The following COL18A1 variants were observed in gnomAD, a reference collection of about 807,000 sequenced individuals.
COL18A1 encodes collagen alpha-1(XVIII) chain.
Under a neutral mutation model 168.0 loss-of-function variants are expected in COL18A1, and 133 were observed. The observed-to-expected ratio is 0.79, with a 90% CI of 0.69 to 0.91. The LOEUF is 0.91. Among genes scored for constraint, COL18A1 ranks in the 40% least tolerant of loss-of-function variants. The pLI, the probability that COL18A1 is intolerant of heterozygous loss-of-function variation, is 0.00. For missense variants in COL18A1, 2,126 were observed against 1,925.4 expected (o/e 1.10, Z -1.95); for synonymous variants, 949 against 809.0 (o/e 1.17, Z -2.94).
At chr21:45,500,588 T>G (rs1340209205) in intron 32 of COL18A1, among the ~76,000 whole-genome samples, 2 of 9,820 alleles carry the variant, frequency 2.0e-4, no homozygotes, top group Admixed American at 1.2e-3. Context: ...TTTGGTGTGT[T>G]GGGTGTGTAG....
chr21:45,460,342 G>A (rs1009681428), intron 2 of COL18A1, among the ~76,000 whole-genome samples: 2 of 152,196 alleles, frequency 1.3e-5, no homozygotes, highest in South Asian at 2.1e-4. Context: ...CGGGGTGCTC[G>A]GGAGGCAGGT....
rs368224873 is a variant in COL18A1, at chr21:45,477,392, C to T, written c.929-19C>T. The stretch of plus-strand genomic sequence containing the variant: ...CACCCGGGGGGCGTGACCGTGGCCA[C>T]CTCTGCTTCTCTTCCCAGCTCAGAC... On this transcript the variant is annotated intron_variant, in intron 6 of 41. Coordinates refer to ENST00000651438, the MANE Select transcript of COL18A1 (RefSeq NM_001379500.1). The T allele has an allele frequency of 1.9e-4, 310 of 1,607,592 alleles. No individual in the cohort carries two copies. The highest frequency in any genetic ancestry group is 2.3e-4 in the Non-Finnish European group (275 of 1,177,268).
Position 45,496,559 on chromosome 21 carries a change from C to A in COL18A1, c.2568C>A (p.Tyr856Ter). Residue 856 changes from tyrosine (Y) to a stop codon, truncating the protein, a stop_gained, in exon 30 of 42, where the codon TAC (tyrosine) becomes TAA (stop). Coordinates refer to ENST00000651438, the MANE Select transcript of COL18A1 (RefSeq NM_001379500.1). LOFTEE classifies it high-confidence loss of function. ...CAGGCCCTCCAGGGACTCCTGTTTA[C>A]GACAGCAATGTAAGTCCCCAGGGCA... is the stretch of plus-strand genomic sequence containing the variant. The part of the protein sequence containing the change: ...GPPGPPGTPV[Y>*]DSNVFAESSR... 2 of 1,487,976 alleles carry A rather than the reference C, an allele frequency of 1.3e-6. No individual in the cohort carries two copies. The highest frequency in any genetic ancestry group is 1.9e-6 in the Non-Finnish European group (2 of 1,065,910). 92.2% of individuals were successfully genotyped at this position (1,487,976 alleles called of 1,614,324 possible). A position where few individuals can be genotyped will look rare whatever the true frequency, so the allele number is the denominator to read the frequency against.
At position 45,504,495 on chromosome 21, in the gene COL18A1, G is replaced by T; in HGVS notation, c.2807G>T (p.Ser936Ile). 6.6e-7 allele frequency: 1 copy of T among 1,520,550 alleles called. No homozygotes were observed. The highest frequency in any genetic ancestry group is 2.4e-5 in the East Asian group (1 of 41,652). The allele number at this position is 1,520,550 out of a possible 1,614,324, so 94.2% of individuals were successfully genotyped here. Residue 936 changes from serine (S) to isoleucine (I), a missense_variant, in exon 34 of 42, where the codon AGC becomes ATC. Physicochemically the swap from Ser to Ile is moderately radical, Grantham distance 142. Transcript: ENST00000651438. ...EPGGGGFFGS[S>I]LPGPPGPPGP... ...GGGGGCGGCGGTTTCTTCGGCTCCA[G>T]CCTGCCCGGCCCCCCCGGCCCCCCA...
In COL18A1 at chr21:45,501,861, C is replaced by T. The variant is rs146184683; in HGVS notation, c.2684-2150C>T. ...GTCACCTCCCTCTGCAGAAGGACCC[C>T]CAGGGGCTTCAAAGCCGGTCACCTC... is the stretch of plus-strand genomic sequence containing the variant. On this transcript the variant is annotated intron_variant, in intron 32 of 41. Transcript: ENST00000651438. Among the ~76,000 whole-genome samples, 54 of 86,114 alleles carry T rather than the reference C, an allele frequency of 6.3e-4. 3 individuals carry two copies. The highest frequency in any genetic ancestry group is 5.6e-3 in the Middle Eastern group (1 of 178). 56.5% of individuals were successfully genotyped at this position (86,114 alleles called of 152,430 possible). A position where few individuals can be genotyped will look rare whatever the true frequency, so the allele number is the denominator to read the frequency against.
chr21:45,511,023 ACCCC>A (rs2037566791), intron 40 of COL18A1, 84 bp from the exon 41 acceptor site: 5 of 242,428 alleles, frequency 2.1e-5, no homozygotes, highest in East Asian at 1.1e-4. Flanking sequence ...ACACATCCAC[ACCCC>A]ACATCCACAC....
chr21:45,480,407 G>A (rs1054275819), intron 11 of COL18A1, 60 bp from the exon 12 acceptor site: 2 of 1,613,182 alleles, frequency 1.2e-6, no homozygotes, highest in African/African-American at 1.3e-5. Flanking sequence ...CAGGGGCCAG[G>A]AGTAGGCCAG....
rs141343829 is a variant in COL18A1 at position 45,482,256 on chromosome 21, A to G, written c.1674+231A>G. The G allele has an allele frequency of 1.4e-3, 856 of 630,600 alleles. 6 individuals are homozygous for G. In the African/African-American group the frequency reaches 0.014, roughly 10 times the overall value. 39.1% of individuals were successfully genotyped at this position (630,600 alleles called of 1,614,324 possible). ...GAGTGGACTCACGGGTTTTAAGAACATGGGCACCCTGCGAGATCTGAGATC... is the reference window on the plus strand; with the variant it reads ...GAGTGGACTCACGGGTTTTAAGAACGTGGGCACCCTGCGAGATCTGAGATC... On this transcript the variant is annotated intron_variant, in intron 14 of 41. Transcript: ENST00000651438.
At chr21:45,453,694 G>A (rs532718172) in intron 2 of COL18A1, among the ~76,000 whole-genome samples, 2 of 152,274 alleles carry the variant, frequency 1.3e-5, no homozygotes, top group African/African-American at 4.8e-5. Flanking sequence ...GAATGGAGTG[G>A]GCAGGGGAAG....
chr21:45,498,171 T>C lies in COL18A1; in HGVS notation c.2683+510T>C. ...TGAGGGTGGCAGGGCTGCTTGGATG[T>C]CCTGCCAAGACCACTGAGAACAGCT... On this transcript the variant is annotated intron_variant, in intron 32 of 41. Coordinates refer to ENST00000651438, the MANE Select transcript of COL18A1 (RefSeq NM_001379500.1). The surrounding 1 kb of genome is among the most constrained non-coding windows in gnomAD (Gnocchi z 4.5). 1.5e-6 allele frequency: 1 copy of C among 678,402 alleles called. No individual in the cohort carries two copies. The highest frequency in any genetic ancestry group is 2.7e-6 in the Non-Finnish European group (1 of 371,782). The allele number at this position is 678,402 out of a possible 1,614,324, so 42.0% of individuals were successfully genotyped here.
intron 38 of COL18A1, among the ~76,000 whole-genome samples, chr21:45,508,064 G>A (rs530818904): frequency 1.1e-4 from 16 of 149,156 alleles, no homozygotes; most frequent in Non-Finnish European, 1.8e-4. Flanking sequence ...GAGGTGGATG[G>A]ATGAGTAGAT....
intron 13 of COL18A1, among the ~76,000 whole-genome samples, chr21:45,481,188 G>A (rs984180748): frequency 1.3e-5 from 2 of 152,216 alleles, no homozygotes; most frequent in African/African-American, 4.8e-5. Context: ...GGAGGGCCGA[G>A]GTCAGCATTG....
At chr21:45,494,217 T>C in intron 26 of COL18A1, 1 of 520,546 alleles carries the variant, frequency 1.9e-6, no homozygotes, top group East Asian at 3.4e-5. Context: ...CTGGGGCCTG[T>C]GGCAACCAGG....
chr21:45,472,511 G>A (rs2035476842), intron 3 of COL18A1, among the ~76,000 whole-genome samples: 1 of 152,144 alleles, frequency 6.6e-6, no homozygotes, highest in African/African-American at 2.4e-5. Flanking sequence ...GCGCCCGGCC[G>A]AAGCGCAGTT....
At chr21:45,472,506 C>T (rs8127363) in intron 3 of COL18A1, among the ~76,000 whole-genome samples, 28,753 of 152,152 alleles carry the variant, frequency 0.19, 4,107 homozygotes, top group African/African-American at 0.39. Flanking sequence ...CCACTGCGCC[C>T]GGCCGAAGCG....
intron 2 of COL18A1, among the ~76,000 whole-genome samples, chr21:45,448,992 G>T (rs1322377628): frequency 6.6e-6 from 1 of 152,246 alleles, no homozygotes; most frequent in Non-Finnish European, 1.5e-5. Flanking sequence ...GGAGAGCCAT[G>T]GCAGGGGACT....
At chr21:45,410,336 T>C (rs2033251768) in intron 2 of COL18A1, among the ~76,000 whole-genome samples, 1 of 152,064 alleles carries the variant, frequency 6.6e-6, no homozygotes, top group Non-Finnish European at 1.5e-5. Flanking sequence ...GGGTGGCGGT[T>C]TGGCTCTCAC....
At chr21:45,420,885 C>T (rs1306091826) in intron 2 of COL18A1, 3 of 154,436 alleles carry the variant, frequency 1.9e-5, no homozygotes, top group Non-Finnish European at 2.9e-5. Flanking sequence ...CTGTGGATGG[C>T]CCAACCTCAT....
chr21:45,445,868 C>T (rs905130707), intron 2 of COL18A1, among the ~76,000 whole-genome samples: 4 of 152,124 alleles, frequency 2.6e-5, no homozygotes, highest in African/African-American at 7.2e-5. Flanking sequence ...ATATATGATT[C>T]GCAAATATCT....
Sources: allele counts gnomAD v4.1 joint callset (sites outside exome capture counted in the v4.1 genomes callset), GRCh38; gene constraint gnomAD v4.1.1; non-coding constraint Gnocchi (gnomAD v3.1); transcripts MANE v1.5; gene names NCBI Gene and HGNC (gene_info 2026-07-23, HGNC 2026-07-21).